The following ZNF398 variants were observed in gnomAD, a reference collection of about 807,000 sequenced individuals.
The protein encoded by ZNF398 is zinc finger DNA binding protein ZER6.
Under a neutral mutation model 41.9 loss-of-function variants are expected in ZNF398, and 18 were observed. The observed-to-expected ratio is 0.43, with a 90% CI of 0.30 to 0.64. The LOEUF (loss-of-function observed/expected upper bound fraction) is 0.64, where lower values mean the gene tolerates loss of function less well. ZNF398 is among the 30% of genes least tolerant of loss of function. The probability of loss-of-function intolerance (pLI) is 0.14; values close to 1 mark genes in which losing one functional copy is unlikely to be tolerated. For missense variants in ZNF398, 669 were observed against 822.8 expected, an observed-to-expected ratio of 0.81 and a Z score of 2.29; for synonymous variants, 260 against 308.8, an observed-to-expected ratio of 0.84 and a Z score of 1.66.
chr7:149,171,701 C>T (rs567662271), intron 4 of ZNF398, among the ~76,000 whole-genome samples: 10 of 152,146 alleles, frequency 6.6e-5, no homozygotes, highest in Admixed American at 3.3e-4. Context: ...GAGATGGAAT[C>T]TTGCTCTGTA....
At chr7:149,159,423 G>C (rs751039955) in intron 2 of ZNF398, among the ~76,000 whole-genome samples, 4 of 151,792 alleles carry the variant, frequency 2.6e-5, no homozygotes, top group Non-Finnish European at 5.9e-5. Flanking sequence ...TGAGGCAGGT[G>C]GATCATGAGG....
At chr7:149,138,835 A>G (rs2129519508) in intron 2 of ZNF398, among the ~76,000 whole-genome samples, 1 of 152,190 alleles carries the variant, frequency 6.6e-6, no homozygotes, top group East Asian at 1.9e-4. Context: ...CTGCAGCCTC[A>G]ACCTCTGGGG....
In ZNF398 at chr7:149,163,601, C is replaced by T. The variant is rs1415018799; in HGVS notation, c.421-2557C>T. On this transcript the variant is annotated intron_variant, in intron 2 of 5. Coordinates refer to ENST00000475153, the MANE Select transcript of ZNF398 (RefSeq NM_170686.3). ...ATTGGTCAGGCTGGTCTTGAACTCC[C>T]GACCTCAGGTGAGCCACCGCGCCCG... 3.3e-5 allele frequency among the ~76,000 whole-genome samples: 5 copies of T among 151,630 alleles called. No homozygotes were observed. The South Asian group carries it at 6.3e-4, about 19-fold the overall frequency.
intron 2 of ZNF398, among the ~76,000 whole-genome samples, chr7:149,135,389 CAAAAA>C (rs777888671): frequency 1.6e-5 from 1 of 61,408 alleles, no homozygotes; most frequent in Non-Finnish European, 3.1e-5. Flanking sequence ...GACTCTGTCT[CAAAAA>C]AAAAAAAAAA....
chr7:149,179,842 C>A lies in ZNF398; in HGVS notation c.*41C>A. 6.6e-7 allele frequency: 1 copy of A among 1,506,614 alleles called. No homozygotes were observed. Among genetic ancestry groups the A allele is most frequent in the Admixed American group, 2.2e-5 (1 of 45,540 alleles). 93.3% of individuals were successfully genotyped at this position (1,506,614 alleles called of 1,614,324 possible). On this transcript the variant is annotated 3_prime_UTR_variant, in exon 6 of 6. Transcript: ENST00000475153. The surrounding 1 kb of genome is among the most constrained non-coding windows in gnomAD (Gnocchi z 6.1). ...GCTTCATGCTTGTATATGCTCACAG[C>A]AGGGCACAAAATCCAAGAGAAGGTC...
upstream of ZNF398, chr7:149,147,110 A>G (rs1445952282): frequency 1.3e-5 from 2 of 152,134 alleles, no homozygotes; most frequent in Non-Finnish European, 1.5e-5. The surrounding 1 kb of genome is among the most constrained non-coding windows in gnomAD (Gnocchi z 5.6). Context: ...CACCCTGCAC[A>G]TTTCCGCTGT....
At position 149,172,146 on chromosome 7, in the gene ZNF398, A is replaced by G. The variant is rs1254698120; in HGVS notation, c.662-4322A>G. Among the ~76,000 whole-genome samples, 2 of 152,202 alleles carry G rather than the reference A, an allele frequency of 1.3e-5. 1 individual carries two copies. The highest frequency in any genetic ancestry group is 2.9e-5 in the Non-Finnish European group (2 of 68,038). On this transcript the variant is annotated intron_variant, in intron 4 of 5. Coordinates refer to ENST00000475153, the MANE Select transcript of ZNF398 (RefSeq NM_170686.3). ...CATCATTTAGGGGAAGTTTTGTATCAGCATAGAGACTACATACAGTAGTCC... is the reference window on the plus strand; with the variant it reads ...CATCATTTAGGGGAAGTTTTGTATCGGCATAGAGACTACATACAGTAGTCC...
intron 2 of ZNF398, among the ~76,000 whole-genome samples, chr7:149,136,275 G>A (rs1826711086): frequency 6.6e-6 from 1 of 152,138 alleles, no homozygotes; most frequent in Admixed American, 6.6e-5. Context: ...GGGTTGCAGA[G>A]CGGCCAGGCA....
chr7:149,172,449 TC>T (rs1420163245), intron 4 of ZNF398, among the ~76,000 whole-genome samples: 2 of 150,090 alleles, frequency 1.3e-5, no homozygotes, highest in Non-Finnish European at 3.0e-5. Flanking sequence ...TACCCCGCGC[TC>T]CCCCCCTTTT....
At chr7:149,144,194 C>T (rs1302473113), upstream of ZNF398, among the ~76,000 whole-genome samples, 1 of 152,186 alleles carries the variant, frequency 6.6e-6, no homozygotes, top group African/African-American at 2.4e-5. Context: ...GGTAGCCTTG[C>T]TTTCTATGGA....
Position 149,155,725 on chromosome 7 carries a change from T to TA in ZNF398, c.420+1385_420+1386insA, listed in dbSNP as rs1563159571. On this transcript the variant is annotated intron_variant, in intron 2 of 5. Transcript: ENST00000475153. ...TATATATATTTTTTTTTTTTTTTTTTTTTTAATTTTTTTTTTTTTGAGATG... is the reference window on the plus strand; with the variant it reads ...TATATATATTTTTTTTTTTTTTTTTTATTTTAATTTTTTTTTTTTTGAGATG... Among the ~76,000 whole-genome samples the TA allele has an allele frequency of 1.9e-3, 100 of 52,650 alleles. 1 individual carries two copies. Among genetic ancestry groups the TA allele is most frequent in the African/African-American group, 4.1e-3 (82 of 20,090 alleles). The allele number at this position is 52,650 out of a possible 152,430, so 34.5% of individuals were successfully genotyped here. A position where few individuals can be genotyped will look rare whatever the true frequency, so the allele number is the denominator to read the frequency against.
At position 149,154,078 on chromosome 7, in the gene ZNF398, T is replaced by C. The variant is rs372142345; in HGVS notation, c.158T>C (p.Ile53Thr). 1.4e-5 allele frequency: 23 copies of C among 1,613,992 alleles called. No individual in the cohort carries two copies. Among genetic ancestry groups the C allele is most frequent in the Non-Finnish European group, 1.9e-5 (22 of 1,180,010 alleles). The change falls in exon 2 of 6, where the codon ATA (isoleucine) becomes ACA (threonine). Residue 53 changes from isoleucine (I) to threonine (T), a missense_variant. By Grantham distance (89) the Ile-to-Thr change is moderately conservative. Transcript: ENST00000475153. Reference sequence around the variant, plus strand: ...ACAGTGGTGGCCGCCGTGCAGGCTATAGAGAGGAAGGTGGAGATCCACAGC... The same window carrying C: ...ACAGTGGTGGCCGCCGTGCAGGCTACAGAGAGGAAGGTGGAGATCCACAGC... ...LWTVVAAVQA[I>T]ERKVEIHSRR...
At chr7:149,133,012 A>C (rs574836336) in intron 2 of ZNF398, among the ~76,000 whole-genome samples, 29 of 152,194 alleles carry the variant, frequency 1.9e-4, no homozygotes, top group African/African-American at 7.0e-4. Context: ...ATTTCTTTTT[A>C]ACTCCTATAT....
At chr7:149,176,227 C>T (rs999153791) in intron 4 of ZNF398, among the ~76,000 whole-genome samples, 3 of 151,998 alleles carry the variant, frequency 2.0e-5, no homozygotes, top group African/African-American at 7.2e-5. Context: ...CCTGTAGTCC[C>T]AGCTACTCGG....
chr7:149,153,451 A>T (rs1413048370), intron 1 of ZNF398, among the ~76,000 whole-genome samples: 3 of 152,226 alleles, frequency 2.0e-5, no homozygotes, highest in Non-Finnish European at 4.4e-5. Flanking sequence ...AACCCTCATT[A>T]TCTGAAAACA....
intron 2 of ZNF398, among the ~76,000 whole-genome samples, chr7:149,142,165 C>T (rs966417228): frequency 3.2e-4 from 48 of 151,908 alleles, no homozygotes; most frequent in Admixed American, 2.9e-3. Flanking sequence ...TAACCATTTT[C>T]GGTTGAGATT....
rs547443215 is a variant in ZNF398, at chr7:149,162,699, A to C, written c.421-3459A>C. Among the ~76,000 whole-genome samples, 6 of 152,298 alleles carry C rather than the reference A, an allele frequency of 3.9e-5. No homozygotes were observed. The South Asian group carries it at 1.2e-3, about 32-fold the overall frequency. ...ACCAGCTGCTTAGTGTTGATCCCAC[A>C]AGAGGCAACAAATGAGTAGAGGAAC... On this transcript the variant is annotated intron_variant, in intron 2 of 5. Transcript: ENST00000475153.
intron 2 of ZNF398, among the ~76,000 whole-genome samples, chr7:149,140,438 G>A (rs796251307): frequency 3.9e-5 from 6 of 152,154 alleles, no homozygotes; most frequent in African/African-American, 1.4e-4. Context: ...AGGCTGGTGT[G>A]CAATGGCACC....
intron 4 of ZNF398, among the ~76,000 whole-genome samples, chr7:149,175,367 A>T (rs1013541366): frequency 5.3e-5 from 8 of 151,756 alleles, no homozygotes; most frequent in African/African-American, 1.9e-4. Context: ...TAATAAAGCC[A>T]TATAGGCCTA....
Sources: gnomAD v4.1 joint callset for allele counts (sites outside exome capture counted in the v4.1 genomes callset) on GRCh38, gnomAD v4.1.1 for gene constraint, Gnocchi (gnomAD v3.1) non-coding constraint, MANE v1.5 for transcripts, NCBI Gene and HGNC (gene_info 2026-07-23, HGNC 2026-07-21) for gene names.